SOX5: variants seen among roughly 807,000 people sequenced by gnomAD.
SOX5 encodes the protein SRY-box transcription factor 5.
A neutral mutation model predicts 92.0 loss-of-function variants in SOX5; 9 were observed. That is an observed-to-expected ratio of 0.10 (90% CI 0.06 to 0.17). The LOEUF (loss-of-function observed/expected upper bound fraction) is 0.17. SOX5 is among the 10% of genes least tolerant of loss of function. The pLI is 1.00. For synonymous variants in SOX5, 344 were observed against 336.3 expected (o/e 1.02, Z -0.25); for missense variants, 642 against 944.5 (o/e 0.68, Z 4.20).
At chr12:24,165,911 T>TA (rs754804364) in intron 4 of SOX5, among the ~76,000 whole-genome samples, 15 of 152,238 alleles carry the variant, frequency 9.9e-5, no homozygotes, top group Non-Finnish European at 1.6e-4. Context: ...TAGATATATA[T>TA]ATGAAATATG....
chr12:24,098,563 T>C (rs574302182), intron 4 of SOX5, among the ~76,000 whole-genome samples: 56 of 152,278 alleles, frequency 3.7e-4, no homozygotes, highest in African/African-American at 1.3e-3. Context: ...AAATATGGAT[T>C]TGAATGTTAT....
chr12:24,093,528 A>G (rs1409291155), intron 4 of SOX5, among the ~76,000 whole-genome samples: 2 of 151,570 alleles, frequency 1.3e-5, no homozygotes, highest in Admixed American at 1.3e-4. Flanking sequence ...GTCTCAAAAA[A>G]AAAAAAACAA....
intron 11 of SOX5, among the ~76,000 whole-genome samples, chr12:23,555,914 CA>C (rs1403549699): frequency 6.6e-6 from 1 of 152,170 alleles, no homozygotes; most frequent in Non-Finnish European, 1.5e-5. Context: ...AGGCTATAGA[CA>C]GCCTATACTC....
chr12:24,545,733 T>C (rs1386681634), intron 1 of SOX5, among the ~76,000 whole-genome samples: 1 of 152,104 alleles, frequency 6.6e-6, no homozygotes, highest in African/African-American at 2.4e-5. Context: ...CTGCCAGGAG[T>C]ATCGGCTGCT....
intron 1 of SOX5, among the ~76,000 whole-genome samples, chr12:24,437,540 T>C (rs1939679473): frequency 6.6e-6 from 1 of 151,336 alleles, no homozygotes; most frequent in Non-Finnish European, 1.5e-5. Context: ...ATCCAGAATC[T>C]ACAAAGGGCT....
chr12:23,577,176 C>CACACACACACATATAT (rs1273547543), intron 9 of SOX5, among the ~76,000 whole-genome samples: 3 of 76,968 alleles, frequency 3.9e-5, no homozygotes, highest in African/African-American at 1.4e-4. Context: ...CACACACACA[C>CACACACACACATATAT]ATATATATAT....
chr12:23,996,808 AG>A (rs2136316767), intron 4 of SOX5, among the ~76,000 whole-genome samples: 1 of 152,332 alleles, frequency 6.6e-6, no homozygotes, highest in Admixed American at 6.5e-5. Context: ...TTGTGTTGCC[AG>A]GGTCTAATGG....
At chr12:24,125,223 G>A (rs1949001083) in intron 4 of SOX5, among the ~76,000 whole-genome samples, 1 of 152,144 alleles carries the variant, frequency 6.6e-6, no homozygotes, top group Admixed American at 6.5e-5. Context: ...AGGATATAAA[G>A]ATCTCGAAGA....
At chr12:23,609,913 C>A (rs1322003891) in intron 8 of SOX5, among the ~76,000 whole-genome samples, 5 of 152,254 alleles carry the variant, frequency 3.3e-5, no homozygotes, top group Non-Finnish European at 7.4e-5. Flanking sequence ...TTATTATGTG[C>A]ACCAAATCAC....
chr12:24,440,942 A>G (rs1049000932), intron 1 of SOX5, among the ~76,000 whole-genome samples: 3 of 152,200 alleles, frequency 2.0e-5, no homozygotes, highest in Non-Finnish European at 4.4e-5. Flanking sequence ...TTAAGAAACC[A>G]AGACTTTGCC....
At chr12:23,974,335 G>A (rs1415138561) in intron 4 of SOX5, among the ~76,000 whole-genome samples, 1 of 151,990 alleles carries the variant, frequency 6.6e-6, no homozygotes, top group Non-Finnish European at 1.5e-5. Flanking sequence ...ACATGGGAGT[G>A]TTGATATCTC....
At chr12:24,006,594 G>A (rs754000285) in intron 4 of SOX5, among the ~76,000 whole-genome samples, 7 of 151,982 alleles carry the variant, frequency 4.6e-5, no homozygotes, top group Non-Finnish European at 8.8e-5. Flanking sequence ...CTCCTTCCAG[G>A]ATTGTCTTCA....
chr12:23,716,482 C>T (rs892691887), intron 6 of SOX5, among the ~76,000 whole-genome samples: 4 of 152,176 alleles, frequency 2.6e-5, no homozygotes, highest in Admixed American at 6.5e-5. Flanking sequence ...CTAATTAAAG[C>T]TATGAAGTAA....
intron 14 of SOX5, among the ~76,000 whole-genome samples, chr12:23,536,184 T>A (rs1940395408): frequency 6.6e-6 from 1 of 152,248 alleles, no homozygotes; most frequent in Admixed American, 6.5e-5. Flanking sequence ...ACTTCTAAGT[T>A]TTTAATAGAA....
At chr12:24,491,045 C>T (rs1288593285) in intron 1 of SOX5, among the ~76,000 whole-genome samples, 1 of 133,882 alleles carries the variant, frequency 7.5e-6, no homozygotes, top group Non-Finnish European at 1.5e-5. Context: ...TAACAAAAAC[C>T]CACTATCTCT....
intron 6 of SOX5, among the ~76,000 whole-genome samples, chr12:23,699,368 A>C (rs2090314264): frequency 1.3e-5 from 2 of 152,194 alleles, no homozygotes; most frequent in South Asian, 4.1e-4. Flanking sequence ...TTTATGAGGC[A>C]TGGTTAATCT....
intron 2 of SOX5, among the ~76,000 whole-genome samples, chr12:24,310,326 G>A (rs1949049080): frequency 6.6e-6 from 1 of 152,146 alleles, no homozygotes; most frequent in Admixed American, 6.5e-5. Flanking sequence ...AATGTTACAT[G>A]TGTTATGTAT....
Position 24,466,736 on chromosome 12 carries a change from T to C in SOX5, c.-251+95593A>G, listed in dbSNP as rs79367925. ...TCTAGCTAGACATCATGATTACCCA[T>C]GACATTTTTCAAAAAACAGTTTGTG... On this transcript the variant is annotated intron_variant, in intron 1 of 4. Transcript: ENST00000446891. Among the ~76,000 whole-genome samples, 504 of 152,152 alleles carry C rather than the reference T, an allele frequency of 3.3e-3. 1 individual carries two copies. Among genetic ancestry groups the C allele is most frequent in the African/African-American group, 0.012 (487 of 41,530 alleles).
chr12:23,609,127 G>C (rs1022780812), intron 8 of SOX5, among the ~76,000 whole-genome samples: 6 of 152,152 alleles, frequency 3.9e-5, no homozygotes, highest in African/African-American at 1.4e-4. Context: ...AAAGGCATGA[G>C]AGCAGGAATG....
Sources: gnomAD v4.1 joint callset for allele counts (sites outside exome capture counted in the v4.1 genomes callset) on GRCh38, gnomAD v4.1.1 for gene constraint, MANE v1.5 for transcripts, NCBI Gene and HGNC (gene_info 2026-07-23, HGNC 2026-07-21) for gene names.